SEPTIN14: variants seen among roughly 807,000 people sequenced by gnomAD.
SEPTIN14 encodes septin 14.
A neutral mutation model predicts 53.6 loss-of-function variants in SEPTIN14; 40 were observed. That is an observed-to-expected ratio of 0.75 (90% CI 0.58 to 0.97). SEPTIN14 has a LOEUF of 0.97. SEPTIN14 is among the 50% of genes least tolerant of loss of function. The pLI, the probability that SEPTIN14 is intolerant of heterozygous loss-of-function variation, is 0.00. For missense variants in SEPTIN14, 471 were observed against 508.2 expected, an observed-to-expected ratio of 0.93 and a Z score of 0.70; for synonymous variants, 138 against 166.8, an observed-to-expected ratio of 0.83 and a Z score of 1.33.
In SEPTIN14 at chr7:55,823,360, G is replaced by A. The variant is rs189864167; in HGVS notation, c.721-4137C>T. On this transcript the variant is annotated intron_variant, in intron 6 of 9. Coordinates refer to ENST00000388975, the MANE Select transcript of SEPTIN14 (RefSeq NM_207366.3). The stretch of plus-strand genomic sequence containing the variant: ...AGCCCTGGGCTTAGCCACACAAGGA[G>A]AGAAACAGCCCCCAGGTCCCCTCTC... Among the ~76,000 whole-genome samples the A allele has an allele frequency of 5.9e-5, 9 of 152,276 alleles. No individual in the cohort carries two copies. The East Asian group carries it at 1.7e-3, about 29-fold the overall frequency.
chr7:55,824,334 A>G (rs1788948036), intron 6 of SEPTIN14, among the ~76,000 whole-genome samples: 1 of 152,214 alleles, frequency 6.6e-6, no homozygotes, highest in South Asian at 2.1e-4. Context: ...AGATCCAAAT[A>G]GCCACCTCAA....
chr7:55,817,476 A>ATAT (rs1554328559), intron 7 of SEPTIN14, among the ~76,000 whole-genome samples: 14 of 143,784 alleles, frequency 9.7e-5, no homozygotes, highest in African/African-American at 3.6e-4. Flanking sequence ...ATATATATAT[A>ATAT]TTTTTTTTTT....
intron 2 of SEPTIN14, among the ~76,000 whole-genome samples, chr7:55,858,385 A>T (rs1011643821): frequency 1.3e-5 from 2 of 152,214 alleles, no homozygotes; most frequent in Admixed American, 1.3e-4. Context: ...ATTGCAAGAG[A>T]CATACTCTTT....
chr7:55,838,891 A>G (rs1789257142), intron 5 of SEPTIN14, among the ~76,000 whole-genome samples: 1 of 152,078 alleles, frequency 6.6e-6, no homozygotes, highest in South Asian at 2.1e-4. Context: ...CAGCAGTCCA[A>G]ATATATTAAA....
At chr7:55,849,934 T>A (rs73701166) in intron 2 of SEPTIN14, among the ~76,000 whole-genome samples, 1 of 152,054 alleles carries the variant, frequency 6.6e-6, no homozygotes, top group South Asian at 2.1e-4. Flanking sequence ...ATAAATTTCA[T>A]TGGGAAAAAA....
At chr7:55,862,276 G>A (rs567371837) in intron 1 of SEPTIN14, among the ~76,000 whole-genome samples, 42 of 152,054 alleles carry the variant, frequency 2.8e-4, no homozygotes, top group African/African-American at 9.9e-4. Flanking sequence ...AACTCCCTTT[G>A]GAAATCAAGA....
intron 2 of SEPTIN14, among the ~76,000 whole-genome samples, chr7:55,853,958 T>C (rs1325191604): frequency 6.6e-6 from 1 of 151,580 alleles, no homozygotes; most frequent in Non-Finnish European, 1.5e-5. Context: ...CTACTGAAAA[T>C]AAAAACTAAA....
chr7:55,846,394 G>C (rs1322232360), intron 3 of SEPTIN14, 123 bp downstream of exon 3: 3 of 685,086 alleles, frequency 4.4e-6, no homozygotes, highest in Non-Finnish European at 7.0e-6. Flanking sequence ...GCTAAGATGA[G>C]AATCACTGTA....
intron 2 of SEPTIN14, among the ~76,000 whole-genome samples, chr7:55,859,074 C>T (rs1189973205): frequency 6.6e-6 from 1 of 150,830 alleles, no homozygotes; most frequent in Non-Finnish European, 1.5e-5. Flanking sequence ...TTGCTTGAAC[C>T]TGGGAGGTGG....
rs375725275 is a variant in SEPTIN14 at position 55,795,945 on chromosome 7, C to G, written c.1267G>C (p.Asp423His). 6.3e-7 allele frequency: 1 copy of G among 1,594,522 alleles called. No homozygotes were observed. The highest frequency in any genetic ancestry group is 1.1e-5 in the South Asian group (1 of 90,912). The change falls in exon 10 of 10, where the codon GAT (aspartate) becomes CAT (histidine). Residue 423 changes from aspartate to histidine, a missense_variant. Physicochemically the swap from Asp to His is moderately conservative, Grantham distance 81 (BLOSUM62 -1). Coordinates refer to ENST00000388975, the MANE Select transcript of SEPTIN14 (RefSeq NM_207366.3). Reference sequence around the variant, plus strand: ...TTACGATGTTTGTCTTTCTTTGTATCGGTGCTCAGCTGAGTCTGCAGTGCT... The same window carrying G: ...TTACGATGTTTGTCTTTCTTTGTATGGGTGCTCAGCTGAGTCTGCAGTGCT... ...SEALQTQLST[D>H]TKKDKHRKK
intron 6 of SEPTIN14, among the ~76,000 whole-genome samples, chr7:55,823,354 C>T (rs1252961446): frequency 6.6e-5 from 10 of 152,204 alleles, no homozygotes. Context: ...CTTAGCCACA[C>T]AAGGAGAGAA....
intron 2 of SEPTIN14, among the ~76,000 whole-genome samples, 164 bp from the exon 3 acceptor site, chr7:55,846,801 T>C (rs1789424608): frequency 6.6e-6 from 1 of 152,174 alleles, no homozygotes; most frequent in African/African-American, 2.4e-5. Context: ...AAAATAGAAG[T>C]CTGTGTTCAA....
At chr7:55,811,065 A>G (rs1253584577) in intron 7 of SEPTIN14, 3 of 459,706 alleles carry the variant, frequency 6.5e-6, no homozygotes, top group Non-Finnish European at 1.3e-5. Flanking sequence ...CATTTCATCT[A>G]CTTGTATCAC....
At chr7:55,803,900 G>A (rs1171538349) in intron 9 of SEPTIN14, among the ~76,000 whole-genome samples, 1 of 151,042 alleles carries the variant, frequency 6.6e-6, no homozygotes, top group African/African-American at 2.4e-5. Context: ...CGAGGCAGGC[G>A]GATCACGAGG....
At chr7:55,830,162 A>G (rs1789074248) in intron 6 of SEPTIN14, among the ~76,000 whole-genome samples, 1 of 145,018 alleles carries the variant, frequency 6.9e-6, no homozygotes, top group Non-Finnish European at 1.5e-5. Flanking sequence ...TGGGCGACAG[A>G]GCGAGACTCT....
intron 6 of SEPTIN14, among the ~76,000 whole-genome samples, chr7:55,829,309 G>C (rs1002713463): frequency 6.6e-6 from 1 of 151,186 alleles, no homozygotes; most frequent in African/African-American, 2.4e-5. Flanking sequence ...AACCTGGGAG[G>C]CAGAGGTTGC....
intron 7 of SEPTIN14, chr7:55,811,559 T>C: frequency 3.7e-6 from 1 of 269,302 alleles, no homozygotes; most frequent in South Asian, 4.0e-5. Flanking sequence ...TGGAGTGTAG[T>C]GGTGTGATCT....
At chr7:55,798,255 G>C in intron 9 of SEPTIN14, 5 of 442,516 alleles carry the variant, frequency 1.1e-5, no homozygotes, top group Non-Finnish European at 1.1e-5. Flanking sequence ...GGCAGCTGTT[G>C]CTCATGAGCG....
intron 7 of SEPTIN14, among the ~76,000 whole-genome samples, chr7:55,811,969 A>G (rs1378537039): frequency 6.6e-6 from 1 of 151,520 alleles, no homozygotes; most frequent in Non-Finnish European, 1.5e-5. Flanking sequence ...AAGTTTTTGC[A>G]TTTTTAGTAG....
Sources: allele counts gnomAD v4.1 joint callset (sites outside exome capture counted in the v4.1 genomes callset), GRCh38; gene constraint gnomAD v4.1.1; transcripts MANE v1.5; gene names NCBI Gene and HGNC (gene_info 2026-07-23, HGNC 2026-07-21).